TNFAIP6: variants seen among roughly 807,000 people sequenced by gnomAD.
The protein encoded by TNFAIP6 is tumor necrosis factor-inducible gene 6 protein.
TNFAIP6 carries 36 observed loss-of-function variants against 33.7 expected under a neutral mutation model. The observed-to-expected ratio is 1.07, with a 90% CI of 0.82 to 1.41. The LOEUF (loss-of-function observed/expected upper bound fraction) is 1.41. Among genes scored for constraint, TNFAIP6 ranks in the 40% most tolerant of loss-of-function variants. TNFAIP6 has a pLI of 0.00. For missense variants in TNFAIP6, 273 were observed against 331.9 expected (o/e 0.82, Z 1.38); for synonymous variants, 113 against 112.8 (o/e 1.00, Z -0.01).
chr2:151,362,292 A>C (rs1265064920), intron 1 of TNFAIP6, among the ~76,000 whole-genome samples: 1 of 152,158 alleles, frequency 6.6e-6, no homozygotes, highest in Non-Finnish European at 1.5e-5. Context: ...AACACTGCCT[A>C]AAATATGTTG....
intron 3 of TNFAIP6, among the ~76,000 whole-genome samples, chr2:151,368,755 T>C (rs1385882018): frequency 6.6e-6 from 1 of 152,086 alleles, no homozygotes; most frequent in Non-Finnish European, 1.5e-5. Context: ...CATGAAATTG[T>C]ATAATGATTT....
intron 5 of TNFAIP6, among the ~76,000 whole-genome samples, chr2:151,378,021 G>T (rs1684946734): frequency 6.6e-6 from 1 of 152,116 alleles, no homozygotes; most frequent in Non-Finnish European, 1.5e-5. Context: ...TGTTGTGGGG[G>T]TTAAATGAGT....
At chr2:151,376,579 A>G (rs1008507943) in intron 5 of TNFAIP6, among the ~76,000 whole-genome samples, 5 of 152,192 alleles carry the variant, frequency 3.3e-5, no homozygotes, top group African/African-American at 7.2e-5. Context: ...ATGTTTTTCT[A>G]TTATACAAAC....
chr2:151,373,650 A>T, intron 5 of TNFAIP6, 61 bp downstream of exon 5: 11 of 959,962 alleles, frequency 1.1e-5, no homozygotes, highest in South Asian at 2.3e-5. Context: ...CCCTGAAAGT[A>T]AAGGGACACT....
chr2:151,373,410 A>G, intron 4 of TNFAIP6, 139 bp from the exon 5 acceptor site: 1 of 426,532 alleles, frequency 2.3e-6, no homozygotes, highest in Non-Finnish European at 4.3e-6. Flanking sequence ...TTACAAATCC[A>G]GGTAAAATAA....
At chr2:151,373,801 A>G (rs1340233707) in intron 5 of TNFAIP6, 1 of 313,640 alleles carries the variant, frequency 3.2e-6, no homozygotes, top group Non-Finnish European at 5.8e-6. Flanking sequence ...AAAATGTATA[A>G]ACTCTTCTTT....
intron 1 of TNFAIP6, among the ~76,000 whole-genome samples, chr2:151,361,787 C>T (rs1474777349): frequency 1.3e-5 from 2 of 152,168 alleles, no homozygotes; most frequent in East Asian, 3.9e-4. Flanking sequence ...GTATGAAGGA[C>T]ACTGGGCAGC....
At position 151,358,636 on chromosome 2, in the gene TNFAIP6, G is replaced by A. The variant is rs76024988; in HGVS notation, c.94+876G>A. Among the ~76,000 whole-genome samples, 490 of 152,266 alleles carry A rather than the reference G, an allele frequency of 3.2e-3. 12 individuals are homozygous for A. In the East Asian group the frequency reaches 0.059, roughly 18 times the overall value. On this transcript the variant is annotated intron_variant, in intron 1 of 5. Transcript: ENST00000243347. The stretch of plus-strand genomic sequence containing the variant: ...TAGAATAAAGAAATAAAGAGAAGGC[G>A]AAATTAACCTAGATTTTGATTTTAT...
chr2:151,380,808 G>A (rs973187371), downstream of TNFAIP6, among the ~76,000 whole-genome samples: 5 of 152,206 alleles, frequency 3.3e-5, no homozygotes, highest in East Asian at 3.8e-4. Flanking sequence ...GGTTGGTGGT[G>A]TGAAACTTTA....
chr2:151,371,593 C>CTT (rs201397265), intron 4 of TNFAIP6, among the ~76,000 whole-genome samples: 3 of 145,972 alleles, frequency 2.1e-5, no homozygotes, highest in East Asian at 2.0e-4. Flanking sequence ...ATCTTTTTTT[C>CTT]TTTTTTTTTT....
intron 4 of TNFAIP6, among the ~76,000 whole-genome samples, 183 bp from the exon 5 acceptor site, chr2:151,373,366 A>G (rs1684848086): frequency 6.6e-6 from 1 of 152,224 alleles, no homozygotes; most frequent in Non-Finnish European, 1.5e-5. Context: ...AGATTATTTC[A>G]AATAACAAAC....
chr2:151,374,088 G>A (rs1684860392), intron 5 of TNFAIP6, among the ~76,000 whole-genome samples: 1 of 152,162 alleles, frequency 6.6e-6, no homozygotes, highest in South Asian at 2.1e-4. Flanking sequence ...GGGCTCTAAG[G>A]TCAAATAAAT....
intron 3 of TNFAIP6, chr2:151,368,529 T>C (rs1271317083): frequency 1.3e-5 from 2 of 151,778 alleles, no homozygotes; most frequent in Non-Finnish European, 2.9e-5. Flanking sequence ...GCGTTTTTGT[T>C]TTGTTTTATA....
At position 151,371,858 on chromosome 2, in the gene TNFAIP6, G is replaced by T. The variant is rs983442602; in HGVS notation, c.623+1610G>T. The T allele has an allele frequency of 2.0e-5, 3 of 152,304 alleles. No homozygotes were observed. In the East Asian group the frequency reaches 5.8e-4, roughly 29 times the overall value. 9.4% of individuals were successfully genotyped at this position (152,304 alleles called of 1,614,324 possible). On this transcript the variant is annotated intron_variant, in intron 4 of 5. Transcript: ENST00000243347. ...GATCCACCCGCCTCAGCCTTCTAAA[G>T]TGCTGGGATTACAGGTGTGAGCCAC...
Position 151,379,531 on chromosome 2 carries a change from TAAAA to T in TNFAIP6, c.*9_*12del, listed in dbSNP as rs35060021. Reference sequence around the variant, plus strand: ...TTTAGCTGGAAGATTTAGCCACTTATAAAAAAAAAAAAAAGGATGATCAAAACAC... The same window carrying T: ...TTTAGCTGGAAGATTTAGCCACTTATAAAAAAAAAAGGATGATCAAAACAC... On this transcript the variant is annotated stop_retained_variant and 3_prime_UTR_variant, in exon 6 of 6. Coordinates refer to ENST00000243347, the MANE Select transcript of TNFAIP6 (RefSeq NM_007115.4). 4.2e-5 allele frequency: 56 copies of T among 1,337,038 alleles called. No homozygotes were observed. Among genetic ancestry groups the T allele is most frequent in the South Asian group, 1.2e-4 (8 of 64,784 alleles). 82.8% of individuals were successfully genotyped at this position (1,337,038 alleles called of 1,614,324 possible).
At position 151,370,339 on chromosome 2, in the gene TNFAIP6, T is replaced by A. The variant is rs931704577; in HGVS notation, c.623+91T>A. On this transcript the variant is annotated intron_variant, in intron 4 of 5. Transcript: ENST00000243347. ...TTTTCCCTCAACTGTCCCTATAATATTGATTTTGGAATAGTTCTACTCTCC... is the reference window on the plus strand; with the variant it reads ...TTTTCCCTCAACTGTCCCTATAATAATGATTTTGGAATAGTTCTACTCTCC... 4 of 957,438 alleles carry A rather than the reference T, an allele frequency of 4.2e-6. No individual in the cohort carries two copies. In the African/African-American group the frequency reaches 6.5e-5, roughly 16 times the overall value. The allele number at this position is 957,438 out of a possible 1,614,324, so 59.3% of individuals were successfully genotyped here.
chr2:151,375,125 CAAAAAAAA>C (rs71403161), intron 5 of TNFAIP6, among the ~76,000 whole-genome samples: 1 of 78,932 alleles, frequency 1.3e-5, no homozygotes, highest in Non-Finnish European at 2.3e-5. Context: ...AACTCCGTCT[CAAAAAAAA>C]AAAAAAAAAA....
chr2:151,357,804 C>A (rs768825049), intron 1 of TNFAIP6, 44 bp downstream of exon 1: 19 of 1,242,738 alleles, frequency 1.5e-5, no homozygotes, highest in Admixed American at 3.4e-5. Flanking sequence ...AATGTCAATT[C>A]TTTAAATCAT....
At chr2:151,368,527 G>A (rs2152015414) in intron 3 of TNFAIP6, 1 of 151,546 alleles carries the variant, frequency 6.6e-6, no homozygotes, top group East Asian at 2.0e-4. Context: ...CAGCGTTTTT[G>A]TTTTGTTTTA....
Sources: gnomAD v4.1 joint callset for allele counts (sites outside exome capture counted in the v4.1 genomes callset) on GRCh38, gnomAD v4.1.1 for gene constraint, MANE v1.5 for transcripts, NCBI Gene and HGNC (gene_info 2026-07-23, HGNC 2026-07-21) for gene names.